Variants in SLIT3 observed in about 807,000 individuals in gnomAD.
SLIT3 encodes the protein slit guidance ligand 3.
A neutral mutation model predicts 184.0 loss-of-function variants in SLIT3; 68 were observed. The observed-to-expected ratio is 0.37, with a 90% CI of 0.30 to 0.45. SLIT3 has a LOEUF of 0.45. SLIT3 is among the 20% of genes least tolerant of loss of function. The pLI is 1.00. For synonymous variants in SLIT3, 831 were observed against 828.6 expected (o/e 1.00, Z -0.05); for missense variants, 1,707 against 2,026.0 (o/e 0.84, Z 3.02).
intron 1 of SLIT3, among the ~76,000 whole-genome samples, chr5:169,254,856 A>G (rs1270528144): frequency 6.6e-6 from 1 of 152,260 alleles, no homozygotes; most frequent in Admixed American, 6.5e-5. Context: ...CCATCTGGTT[A>G]TAACTTATGA....
chr5:168,744,562 C>T (rs1345990744), intron 20 of SLIT3, among the ~76,000 whole-genome samples: 1 of 152,134 alleles, frequency 6.6e-6, no homozygotes, highest in African/African-American at 2.4e-5. Context: ...TTGTTAGGGG[C>T]CACTGCTGAT....
chr5:168,844,494 C>T (rs1758381067), intron 6 of SLIT3, 90 bp downstream of exon 6: 14 of 1,206,794 alleles, frequency 1.2e-5, no homozygotes, highest in Non-Finnish European at 1.6e-5. Flanking sequence ...CTCCTGCACA[C>T]ACTCTCCCCC....
intron 4 of SLIT3, among the ~76,000 whole-genome samples, chr5:169,063,352 T>C (rs1758240676): frequency 6.6e-6 from 1 of 152,210 alleles, no homozygotes; most frequent in Non-Finnish European, 1.5e-5. Context: ...GGAAGTTTCC[T>C]TCCTACCAGG....
intron 4 of SLIT3, among the ~76,000 whole-genome samples, chr5:168,986,353 A>G (rs79600360): frequency 0.023 from 3,562 of 152,268 alleles, 58 homozygotes; most frequent in Non-Finnish European, 0.035. Flanking sequence ...CCAGTGGTGT[A>G]GATAAGGGAA....
intron 9 of SLIT3, among the ~76,000 whole-genome samples, 189 bp from the exon 10 acceptor site, chr5:168,795,767 T>A (rs1485284133): frequency 1.3e-5 from 2 of 152,116 alleles, no homozygotes; most frequent in African/African-American, 4.8e-5. Context: ...ATGGAGCACC[T>A]GTCCAAGGGT....
chr5:169,034,686 A>C (rs1289090468), intron 4 of SLIT3, among the ~76,000 whole-genome samples: 2 of 152,164 alleles, frequency 1.3e-5, no homozygotes, highest in Admixed American at 6.5e-5. Flanking sequence ...CGCTAGATCA[A>C]ATAAATAAAA....
rs559665628 is a variant in SLIT3 at position 168,753,896 on chromosome 5, G to A, written c.1797C>T (p.Arg599=). 1.4e-5 allele frequency: 23 copies of A among 1,611,784 alleles called. No homozygotes were observed. Among genetic ancestry groups the A allele is most frequent in the African/African-American group, 4.0e-5 (3 of 75,024 alleles). Residue 599 remains arginine (R), a synonymous_variant, in exon 17 of 36, where the codon CGC becomes CGT. Transcript: ENST00000519560. ...TGAGGCCACTGAGGCCACGGAACAC[G>A]CGCCCGTGCACGGTCTCCAGCTGGT... The part of the protein sequence containing the change: ...TGNQLETVHG[R]VFRGLSGLKT...
intron 11 of SLIT3, among the ~76,000 whole-genome samples, chr5:168,788,152 G>T (rs916941161): frequency 1.3e-5 from 2 of 152,080 alleles, no homozygotes; most frequent in Non-Finnish European, 2.9e-5. Flanking sequence ...AACCAGACAA[G>T]GGAAGAGAGA....
intron 7 of SLIT3, among the ~76,000 whole-genome samples, chr5:168,817,958 G>A (rs1757391608): frequency 6.8e-6 from 1 of 146,798 alleles, no homozygotes; most frequent in Non-Finnish European, 1.5e-5. Flanking sequence ...CCCGCTAAGT[G>A]TCCTTTAATA....
At chr5:169,089,494 C>T (rs899052848) in intron 4 of SLIT3, among the ~76,000 whole-genome samples, 8 of 152,204 alleles carry the variant, frequency 5.3e-5, no homozygotes, top group Non-Finnish European at 8.8e-5. Context: ...GCCTAGAATA[C>T]ATTCCCTTCT....
At chr5:169,017,549 C>T (rs754300095) in intron 4 of SLIT3, among the ~76,000 whole-genome samples, 6 of 152,322 alleles carry the variant, frequency 3.9e-5, no homozygotes, top group East Asian at 1.9e-4. Context: ...GGCAAGGCCT[C>T]GCTGGCAGCA....
Position 169,094,107 on chromosome 5 carries a change from C to T in SLIT3, c.413+99372G>A, listed in dbSNP as rs144312525. On this transcript the variant is annotated intron_variant, in intron 4 of 35. Coordinates refer to ENST00000519560, the MANE Select transcript of SLIT3 (RefSeq NM_003062.4). ...AAATAGAAATATAAAGAAATTGGTC[C>T]AAGATCACACAGCTAATAAATGTTG... 8.9e-4 allele frequency among the ~76,000 whole-genome samples: 135 copies of T among 152,204 alleles called. 2 individuals are homozygous for T. The highest frequency in any genetic ancestry group is 1.6e-3 in the Non-Finnish European group (110 of 67,994).
chr5:169,069,980 G>A (rs72826589), intron 4 of SLIT3, among the ~76,000 whole-genome samples: 1,571 of 152,316 alleles, frequency 0.01, 12 homozygotes, highest in Non-Finnish European at 0.015. Context: ...GCAGTGCAGA[G>A]GATGGTGGGA....
chr5:168,820,045 G>A (rs1757473046), intron 7 of SLIT3, among the ~76,000 whole-genome samples: 1 of 152,138 alleles, frequency 6.6e-6, no homozygotes, highest in Non-Finnish European at 1.5e-5. Context: ...CAACATGTTT[G>A]GGAGATCAAG....
intron 4 of SLIT3, among the ~76,000 whole-genome samples, chr5:168,999,049 G>T (rs1209004965): frequency 1.3e-5 from 2 of 152,066 alleles, no homozygotes; most frequent in African/African-American, 2.4e-5. Flanking sequence ...AAGTAGCTGG[G>T]ATTACAGGTG....
intron 30 of SLIT3, among the ~76,000 whole-genome samples, chr5:168,686,151 A>G (rs1358733306): frequency 1.3e-5 from 2 of 152,194 alleles, no homozygotes; most frequent in African/African-American, 4.8e-5. Context: ...CCATGGTGGC[A>G]TGAGCCTGTA....
intron 4 of SLIT3, chr5:169,023,497 C>CA (rs1756683749): frequency 6.6e-6 from 1 of 152,226 alleles, no homozygotes. Context: ...AAGAGGCCTA[C>CA]AGTAAACTCT....
intron 1 of SLIT3, among the ~76,000 whole-genome samples, chr5:169,261,810 G>A (rs547113402): frequency 5.9e-5 from 9 of 152,168 alleles, no homozygotes; most frequent in Non-Finnish European, 1.2e-4. Flanking sequence ...AAAGGTGGTC[G>A]GATGTCACCT....
intron 4 of SLIT3, among the ~76,000 whole-genome samples, chr5:169,082,173 C>T (rs568081071): frequency 1.6e-4 from 24 of 152,332 alleles, no homozygotes; most frequent in Admixed American, 1.3e-3. Context: ...GCAATACAAT[C>T]CTCGAGTAGA....
Sources: gnomAD v4.1 joint callset for allele counts (sites outside exome capture counted in the v4.1 genomes callset) on GRCh38, gnomAD v4.1.1 for gene constraint, MANE v1.5 for transcripts, NCBI Gene and HGNC (gene_info 2026-07-23, HGNC 2026-07-21) for gene names.